The following GRIK1 variants were observed in gnomAD, a reference collection of about 807,000 sequenced individuals.
GRIK1 encodes glutamate receptor ionotropic, kainate 1.
In GRIK1, 69 loss-of-function variants were observed where a neutral mutation model predicts 105.7. The observed-to-expected ratio is 0.65, with a 90% CI of 0.54 to 0.80. The LOEUF (loss-of-function observed/expected upper bound fraction) is 0.80. Among genes scored for constraint, GRIK1 ranks in the 30% least tolerant of loss-of-function variants. The pLI is 0.00. For missense variants in GRIK1, 1,109 were observed against 1,167.3 expected, an observed-to-expected ratio of 0.95 and a Z score of 0.73; for synonymous variants, 438 against 431.3, an observed-to-expected ratio of 1.02 and a Z score of -0.19.
intron 1 of GRIK1, among the ~76,000 whole-genome samples, chr21:29,867,842 AGGAAGGAAAGAG>A (rs1569174067): frequency 8.0e-5 from 12 of 149,214 alleles, no homozygotes; most frequent in African/African-American, 2.7e-4. Flanking sequence ...GAAAGAAAGA[AGGAAGGAAAGAG>A]AGAAAGAGAG....
chr21:29,783,191 T>C (rs1412302573), intron 1 of GRIK1, among the ~76,000 whole-genome samples: 1 of 152,244 alleles, frequency 6.6e-6, no homozygotes, highest in East Asian at 1.9e-4. Context: ...ATTGACCTTC[T>C]TCCTGTAAAT....
At chr21:29,912,911 A>G (rs1178868635) in intron 1 of GRIK1, among the ~76,000 whole-genome samples, 1 of 152,134 alleles carries the variant, frequency 6.6e-6, no homozygotes, top group Non-Finnish European at 1.5e-5. Context: ...GTTTAAAATA[A>G]TTAGTATCAA....
chr21:29,596,306 C>T lies in GRIK1; in HGVS notation c.1251+220G>A, dbSNP rs765212850. The T allele has an allele frequency of 1.5e-5, 10 of 676,788 alleles. 1 individual carries two copies. The South Asian group carries it at 1.5e-4, about 10-fold the overall frequency. The allele number at this position is 676,788 out of a possible 1,614,324, so 41.9% of individuals were successfully genotyped here. A position where few individuals can be genotyped will look rare whatever the true frequency, so the allele number is the denominator to read the frequency against. On this transcript the variant is annotated intron_variant, in intron 9 of 17. Transcript: ENST00000327783. The stretch of plus-strand genomic sequence containing the variant: ...AATAATCTTGGGGGAAATATTTAAT[C>T]CATAATTATTTAATCCACTGCAAAC...
At chr21:29,819,346 G>T (rs383479) in intron 1 of GRIK1, among the ~76,000 whole-genome samples, 1 of 151,882 alleles carries the variant, frequency 6.6e-6, no homozygotes, top group Admixed American at 6.6e-5. Flanking sequence ...ATACAAGGGA[G>T]TAAAATCCTA....
rs550577966 is a variant in GRIK1, at chr21:29,857,408, G to A, written c.118+81975C>T. 1.1e-3 allele frequency among the ~76,000 whole-genome samples: 160 copies of A among 152,266 alleles called. 1 individual carries two copies. Among genetic ancestry groups the A allele is most frequent in the African/African-American group, 3.6e-3 (148 of 41,548 alleles). On this transcript the variant is annotated intron_variant, in intron 1 of 17. Coordinates refer to ENST00000327783, the MANE Select transcript of GRIK1 (RefSeq NM_001330994.2). ...GCAGGAGTCAGTTACATAGCTACAC[G>A]CCAAGTAACTAAGAAATGTTTCTTA...
chr21:29,694,800 A>G (rs966145866), intron 1 of GRIK1, among the ~76,000 whole-genome samples: 6 of 152,168 alleles, frequency 3.9e-5, no homozygotes, highest in Non-Finnish European at 7.3e-5. Flanking sequence ...TCCAGACTCT[A>G]AGGGGATCAT....
chr21:29,883,325 G>A (rs2146191541), intron 1 of GRIK1, among the ~76,000 whole-genome samples: 1 of 152,144 alleles, frequency 6.6e-6, no homozygotes, highest in South Asian at 2.1e-4. Context: ...AGGCTGGTGA[G>A]TCAAATAAAA....
chr21:29,666,759 C>A (rs1247459770), intron 4 of GRIK1, among the ~76,000 whole-genome samples: 1 of 152,190 alleles, frequency 6.6e-6, no homozygotes, highest in African/African-American at 2.4e-5. Flanking sequence ...AAATGAAACA[C>A]CTTCGTTCAA....
chr21:29,747,534 A>C (rs929234281), intron 1 of GRIK1, among the ~76,000 whole-genome samples: 2 of 152,186 alleles, frequency 1.3e-5, no homozygotes, highest in Admixed American at 1.3e-4. Flanking sequence ...TGTTGAAGAA[A>C]GAATAGAAAG....
At chr21:29,664,240 G>T (rs147729550) in intron 4 of GRIK1, among the ~76,000 whole-genome samples, 2,731 of 152,266 alleles carry the variant, frequency 0.018, 37 homozygotes, top group Middle Eastern at 0.037. Flanking sequence ...GGAAATCATT[G>T]TTATGATGTA....
In GRIK1 at chr21:29,689,825, G is replaced by T; in HGVS notation, c.447C>A (p.Asn149Lys). 1 of 1,613,900 alleles carries T rather than the reference G, an allele frequency of 6.2e-7. No individual in the cohort carries two copies. The highest frequency in any genetic ancestry group is 8.5e-7 in the Non-Finnish European group (1 of 1,179,802). The stretch of plus-strand genomic sequence containing the variant: ...TGATAGCTGCATAATCTGGGTAAAG[G>T]TTGATGTAAAACAAATCTTTGTTGT... ...SVDNKDLFYI[N>K]LYPDYAAISR... The change falls in exon 3 of 18, where the codon AAC becomes AAA. Residue 149 changes from asparagine to lysine, a missense_variant. Transcript: ENST00000327783.
chr21:29,573,764 G>A (rs1449650184), intron 14 of GRIK1, among the ~76,000 whole-genome samples: 1 of 151,396 alleles, frequency 6.6e-6, no homozygotes, highest in Non-Finnish European at 1.5e-5. Flanking sequence ...CAGGAGAATC[G>A]CTTGAACCCG....
At chr21:29,895,338 GATAGGGAGATCTCGTCA>G (rs2070098482) in intron 1 of GRIK1, among the ~76,000 whole-genome samples, 1 of 152,170 alleles carries the variant, frequency 6.6e-6, no homozygotes, top group South Asian at 2.1e-4. Flanking sequence ...GAGGCATGTG[GATAGGGAGATCTCGTCA>G]AAATCCTTGA....
chr21:29,815,603 C>G (rs907170608), intron 1 of GRIK1, among the ~76,000 whole-genome samples: 1 of 152,062 alleles, frequency 6.6e-6, no homozygotes, highest in African/African-American at 2.4e-5. Flanking sequence ...TAAATTTTTC[C>G]TTTCTCCACT....
chr21:29,895,975 C>A (rs1181121601), intron 1 of GRIK1, among the ~76,000 whole-genome samples: 1 of 152,144 alleles, frequency 6.6e-6, no homozygotes, highest in Non-Finnish European at 1.5e-5. Flanking sequence ...CTGTGTTGTC[C>A]CTGAAATAAC....
intron 1 of GRIK1, among the ~76,000 whole-genome samples, chr21:29,772,327 T>C (rs1017666421): frequency 2.0e-5 from 3 of 152,200 alleles, no homozygotes; most frequent in African/African-American, 4.8e-5. Context: ...AAAATGACTT[T>C]AGATAAAAAT....
rs138290019 is a variant in GRIK1, at chr21:29,753,288, T to G, written c.119-59225A>C. Among the ~76,000 whole-genome samples the G allele has an allele frequency of 2.7e-3, 414 of 152,320 alleles. 2 individuals carry two copies. The highest frequency in any genetic ancestry group is 9.5e-3 in the African/African-American group (394 of 41,576). On this transcript the variant is annotated intron_variant, in intron 1 of 17. Transcript: ENST00000327783. The stretch of plus-strand genomic sequence containing the variant: ...TATAATTTGATTGAGAAACAAACCC[T>G]TCATCTGCATTGTACAAATAGGTGA...
chr21:29,727,899 A>G (rs76281773), intron 1 of GRIK1, among the ~76,000 whole-genome samples: 2,509 of 152,300 alleles, frequency 0.016, 73 homozygotes, highest in African/African-American at 0.057. Flanking sequence ...GCCCCGGAAA[A>G]GCCAGTCTGA....
intron 1 of GRIK1, among the ~76,000 whole-genome samples, chr21:29,712,083 T>TACACTCAC: frequency 7.4e-6 from 1 of 135,370 alleles, no homozygotes; most frequent in Non-Finnish European, 1.6e-5. Flanking sequence ...TATACATACA[T>TACACTCAC]ACACACACAC....
Sources: gnomAD v4.1 joint callset for allele counts (sites outside exome capture counted in the v4.1 genomes callset) on GRCh38, gnomAD v4.1.1 for gene constraint, MANE v1.5 for transcripts, NCBI Gene and HGNC (gene_info 2026-07-23, HGNC 2026-07-21) for gene names.